The following SFMBT1 variants were observed in gnomAD, a reference collection of about 807,000 sequenced individuals.
SFMBT1 encodes the protein Scm like with four mbt domains 1, also known as scm-like with four MBT domains protein 1.
In SFMBT1, 32 loss-of-function variants were observed where a neutral mutation model predicts 108.7. That is an observed-to-expected ratio of 0.29 (90% CI 0.22 to 0.40). SFMBT1 has a LOEUF of 0.40. Among genes scored for constraint, SFMBT1 ranks in the 10% least tolerant of loss-of-function variants. The pLI is 1.00. For missense variants in SFMBT1, 816 were observed against 1,059.6 expected, an observed-to-expected ratio of 0.77 and a Z score of 3.19; for synonymous variants, 348 against 369.5, an observed-to-expected ratio of 0.94 and a Z score of 0.67.
intron 1 of SFMBT1, among the ~76,000 whole-genome samples, chr3:53,004,375 C>T (rs1474000587): frequency 1.3e-5 from 2 of 149,268 alleles, no homozygotes; most frequent in Non-Finnish European, 1.5e-5. Context: ...TGGGTTCAAG[C>T]GATTCTCCTG....
chr3:52,967,019 A>C (rs1214734950), intron 2 of SFMBT1, among the ~76,000 whole-genome samples: 1 of 151,616 alleles, frequency 6.6e-6, no homozygotes, highest in African/African-American at 2.4e-5. Flanking sequence ...GATATACTCA[A>C]AAACACTACA....
intron 1 of SFMBT1, among the ~76,000 whole-genome samples, chr3:53,034,367 A>G (rs1699796646): frequency 6.6e-6 from 1 of 152,194 alleles, no homozygotes; most frequent in Non-Finnish European, 1.5e-5. Flanking sequence ...ACTTGAGGTC[A>G]GGAGTTTGAG....
At position 52,954,391 on chromosome 3, in the gene SFMBT1, C is replaced by T; in HGVS notation, c.49G>A (p.Glu17Lys). The change falls in exon 3 of 21, where the codon GAG (glutamate) becomes AAG (lysine). Residue 17 changes from glutamate (E) to lysine (K), a missense_variant. Physicochemically the swap from Glu to Lys is moderately conservative, Grantham distance 56 (BLOSUM62 1). Coordinates refer to ENST00000394752, the MANE Select transcript of SFMBT1 (RefSeq NM_016329.4). ...LDADAGSGME[E>K]VELSWEDYLE... ...TAATCTTCCCAGCTTAATTCTACCT[C>T]TTCCATACCAGAGCCGGCATCTAGA... 3 of 1,613,666 alleles carry T rather than the reference C, an allele frequency of 1.9e-6. No individual in the cohort carries two copies. Among genetic ancestry groups the T allele is most frequent in the Non-Finnish European group, 2.5e-6 (3 of 1,179,864 alleles).
At chr3:52,920,385 A>C (rs530929650) in intron 12 of SFMBT1, 152 bp downstream of exon 12, 1 of 685,386 alleles carries the variant, frequency 1.5e-6, no homozygotes, top group African/African-American at 1.8e-5. Context: ...TAAGGTATTA[A>C]ATATTTGTTA....
chr3:53,018,013 A>T (rs2106938328), intron 1 of SFMBT1: 2 of 152,416 alleles, frequency 1.3e-5, no homozygotes, highest in East Asian at 3.9e-4. Context: ...CGGGTGGATC[A>T]TGAGGTCAGG....
chr3:52,963,371 T>A (rs894078157), intron 2 of SFMBT1, among the ~76,000 whole-genome samples: 3 of 152,126 alleles, frequency 2.0e-5, no homozygotes, highest in African/African-American at 7.2e-5. Flanking sequence ...TTCTATAAAT[T>A]TCAAATAAAC....
intron 13 of SFMBT1, among the ~76,000 whole-genome samples, chr3:52,917,372 GC>G (rs1385361398): frequency 9.9e-5 from 15 of 152,052 alleles, no homozygotes; most frequent in Non-Finnish European, 1.9e-4. Context: ...AGCATTGATA[GC>G]CTTACAGGAA....
At chr3:52,988,307 T>C (rs1291117559) in intron 1 of SFMBT1, among the ~76,000 whole-genome samples, 1 of 152,246 alleles carries the variant, frequency 6.6e-6, no homozygotes, top group Non-Finnish European at 1.5e-5. Flanking sequence ...GAATTTTTTT[T>C]AAGTTTAAGG....
chr3:52,992,203 T>C (rs1705162062), intron 1 of SFMBT1, among the ~76,000 whole-genome samples: 1 of 152,236 alleles, frequency 6.6e-6, no homozygotes, highest in Non-Finnish European at 1.5e-5. Context: ...CTAACGTTCA[T>C]CAACTGTTCT....
intron 1 of SFMBT1, among the ~76,000 whole-genome samples, chr3:53,003,679 C>T (rs2564917): frequency 0.41 from 60,506 of 146,510 alleles, 14,704 homozygotes; most frequent in South Asian, 0.61. Flanking sequence ...AAAGAGCACA[C>T]AGTGACTGAC....
intron 1 of SFMBT1, among the ~76,000 whole-genome samples, chr3:53,022,987 A>G (rs1296638626): frequency 6.6e-6 from 1 of 152,242 alleles, no homozygotes; most frequent in African/African-American, 2.4e-5. Context: ...ATTTTGCCAC[A>G]ATAAAAAATT....
rs71615878 is a variant in SFMBT1 at position 52,948,825 on chromosome 3, A to ATTTTTTTTTTTTTTTTTTTTTT, written c.124-5233_124-5232insAAAAAAAAAAAAAAAAAAAAAA. ...CTCCACCATGCCTGGCTAATTTTTA[A>ATTTTTTTTTTTTTTTTTTTTTT]TTTTTTTTTTTTTTTTTTTTTGTAG... On this transcript the variant is annotated intron_variant, in intron 3 of 20. Coordinates refer to ENST00000394752, the MANE Select transcript of SFMBT1 (RefSeq NM_016329.4). Among the ~76,000 whole-genome samples, 75 of 78,292 alleles carry ATTTTTTTTTTTTTTTTTTTTTT rather than the reference A, an allele frequency of 9.6e-4. 8 individuals carry two copies. Among genetic ancestry groups the ATTTTTTTTTTTTTTTTTTTTTT allele is most frequent in the Non-Finnish European group, 1.4e-3 (60 of 42,462 alleles). The allele number at this position is 78,292 out of a possible 152,430, so 51.4% of individuals were successfully genotyped here.
intron 3 of SFMBT1, among the ~76,000 whole-genome samples, chr3:52,945,785 T>C (rs1703346705): frequency 7.0e-6 from 1 of 142,476 alleles, no homozygotes; most frequent in African/African-American, 2.6e-5. Flanking sequence ...CAATCCAGCC[T>C]GGGCAACAGA....
chr3:52,995,586 C>T (rs1253733951), intron 1 of SFMBT1, among the ~76,000 whole-genome samples: 1 of 149,546 alleles, frequency 6.7e-6, no homozygotes, highest in East Asian at 2.0e-4. Flanking sequence ...GAGAAGTGGT[C>T]GAAGTGGTCT....
intron 1 of SFMBT1, among the ~76,000 whole-genome samples, chr3:52,992,456 T>TA (rs550600871): frequency 2.1e-4 from 32 of 152,216 alleles, no homozygotes; most frequent in Non-Finnish European, 3.7e-4. Context: ...AAAATTAAAA[T>TA]AAAAAAAATT....
intron 1 of SFMBT1, among the ~76,000 whole-genome samples, chr3:52,974,983 TGACAG>T (rs1704471126): frequency 1.3e-5 from 2 of 150,662 alleles, no homozygotes; most frequent in Admixed American, 6.6e-5. Flanking sequence ...CCAGCCTGGG[TGACAG>T]GGCAAGACCC....
chr3:53,024,443 A>C (rs116347702), intron 1 of SFMBT1, among the ~76,000 whole-genome samples: 3,047 of 150,084 alleles, frequency 0.02, 47 homozygotes, highest in Non-Finnish European at 0.031. Context: ...AATGGCGAGG[A>C]TATCTGAGAG....
intron 1 of SFMBT1, among the ~76,000 whole-genome samples, chr3:52,977,484 G>A (rs1289550093): frequency 6.6e-6 from 1 of 151,830 alleles, no homozygotes; most frequent in Non-Finnish European, 1.5e-5. Flanking sequence ...CAGCCCAGGC[G>A]ACAGTGTGAG....
intron 3 of SFMBT1, among the ~76,000 whole-genome samples, chr3:52,948,856 G>T (rs1160985181): frequency 3.8e-5 from 1 of 26,092 alleles, no homozygotes; most frequent in Non-Finnish European, 1.0e-4. Context: ...TGTAGAAAAG[G>T]TCTCACTATA....
Sources: gnomAD v4.1 joint callset for allele counts (sites outside exome capture counted in the v4.1 genomes callset) on GRCh38, gnomAD v4.1.1 for gene constraint, MANE v1.5 for transcripts, NCBI Gene and HGNC (gene_info 2026-07-23, HGNC 2026-07-21) for gene names.